SOX5: variants seen among roughly 807,000 people sequenced by gnomAD.
SOX5 encodes the protein transcription factor SOX-5.
A neutral mutation model predicts 92.0 loss-of-function variants in SOX5; 9 were observed. The ratio of observed to expected loss-of-function variants is 0.10; its 90% CI spans 0.06 to 0.17. SOX5 has a LOEUF of 0.17. Ranked by LOEUF, SOX5 falls within the 10% of genes least tolerant of loss-of-function variation. The pLI, the probability that SOX5 is intolerant of heterozygous loss-of-function variation, is 1.00. For missense variants in SOX5, 642 were observed against 944.5 expected, an observed-to-expected ratio of 0.68 and a Z score of 4.20; for synonymous variants, 344 against 336.3, an observed-to-expected ratio of 1.02 and a Z score of -0.25.
chr12:23,602,586 T>G (rs1183157155), intron 9 of SOX5, among the ~76,000 whole-genome samples: 1 of 151,964 alleles, frequency 6.6e-6, no homozygotes, highest in African/African-American at 2.4e-5. Flanking sequence ...GAGCTACATA[T>G]CCTAAAATCA....
chr12:24,464,725 T>C (rs11047460), intron 1 of SOX5, among the ~76,000 whole-genome samples: 66,487 of 152,018 alleles, frequency 0.44, 15,059 homozygotes, highest in Non-Finnish European at 0.5. Flanking sequence ...TCCTATGAGA[T>C]AGAAACTAAT....
At chr12:24,175,365 G>A (rs1009510785) in intron 4 of SOX5, among the ~76,000 whole-genome samples, 23 of 152,174 alleles carry the variant, frequency 1.5e-4, no homozygotes, top group African/African-American at 3.9e-4. Context: ...AAAAAAGTAC[G>A]ATGGATATTT....
chr12:24,300,463 T>C (rs1947821948), intron 2 of SOX5, among the ~76,000 whole-genome samples: 1 of 152,174 alleles, frequency 6.6e-6, no homozygotes, highest in African/African-American at 2.4e-5. Context: ...TGGACTCAAA[T>C]AGGACATTAT....
At chr12:23,575,914 GCCT>G in intron 9 of SOX5, 76 bp from the exon 10 acceptor site, 1 of 1,089,484 alleles carries the variant, frequency 9.2e-7, no homozygotes, top group Non-Finnish European at 1.3e-6. Flanking sequence ...CAGGTATGCA[GCCT>G]GTCATTTCCC....
intron 1 of SOX5, among the ~76,000 whole-genome samples, chr12:24,423,117 C>T (rs1357412534): frequency 6.6e-6 from 1 of 152,196 alleles, no homozygotes; most frequent in Non-Finnish European, 1.5e-5. Context: ...AAGAAATCTG[C>T]ACTCCTATAA....
intron 2 of SOX5, among the ~76,000 whole-genome samples, chr12:24,366,071 A>G (rs1238571597): frequency 6.6e-6 from 1 of 152,114 alleles, no homozygotes; most frequent in Non-Finnish European, 1.5e-5. Flanking sequence ...TGTTTGTTCT[A>G]GAAGGCATCA....
chr12:24,360,139 T>G (rs1047697609), intron 2 of SOX5, among the ~76,000 whole-genome samples: 13 of 152,254 alleles, frequency 8.5e-5, no homozygotes, highest in Non-Finnish European at 1.8e-4. Context: ...CCTCTTTCAG[T>G]ACTCAGTGAT....
intron 4 of SOX5, among the ~76,000 whole-genome samples, chr12:24,096,779 A>AGT (rs961075921): frequency 6.6e-6 from 1 of 151,982 alleles, no homozygotes; most frequent in East Asian, 1.9e-4. Context: ...CTTGTGCAAA[A>AGT]GTGTGTGTGT....
intron 1 of SOX5, among the ~76,000 whole-genome samples, chr12:24,487,418 CT>C (rs977967030): frequency 6.6e-6 from 1 of 152,112 alleles, no homozygotes; most frequent in African/African-American, 2.4e-5. Flanking sequence ...ATCAATGCTT[CT>C]TTTATAAAAA....
chr12:23,569,456 G>A (rs556682113), intron 10 of SOX5, among the ~76,000 whole-genome samples: 3 of 152,288 alleles, frequency 2.0e-5, no homozygotes, highest in Middle Eastern at 3.4e-3. Context: ...AGAGATCACA[G>A]TATGCAGCTT....
chr12:23,907,608 T>C (rs2138241572), intron 1 of SOX5, among the ~76,000 whole-genome samples: 1 of 152,272 alleles, frequency 6.6e-6, no homozygotes, highest in Admixed American at 6.5e-5. Context: ...TGTTTTAATG[T>C]CTACATAGAT....
At chr12:24,327,121 T>C (rs1950789195) in intron 2 of SOX5, among the ~76,000 whole-genome samples, 1 of 152,168 alleles carries the variant, frequency 6.6e-6, no homozygotes, top group Admixed American at 6.5e-5. Flanking sequence ...TTGATAGAAA[T>C]TTAAAAATTA....
intron 4 of SOX5, among the ~76,000 whole-genome samples, chr12:24,087,767 A>G (rs1944182631): frequency 7.5e-6 from 1 of 134,172 alleles, no homozygotes; most frequent in Non-Finnish European, 1.7e-5. Flanking sequence ...AGATTGTTAA[A>G]CATTTTTTTT....
Sources: allele counts gnomAD v4.1 joint callset (sites outside exome capture counted in the v4.1 genomes callset), GRCh38; gene constraint gnomAD v4.1.1; transcripts MANE v1.5; gene names NCBI Gene and HGNC (gene_info 2026-07-23, HGNC 2026-07-21).